Variants in BIRC6 observed in about 807,000 individuals in gnomAD.
BIRC6 encodes the protein dual E2 ubiquitin-conjugating enzyme/E3 ubiquitin-protein ligase BIRC6.
A neutral mutation model predicts 503.3 loss-of-function variants in BIRC6; 98 were observed. The ratio of observed to expected loss-of-function variants is 0.19; its 90% CI spans 0.17 to 0.23. The LOEUF (loss-of-function observed/expected upper bound fraction) is 0.23, where lower values mean the gene tolerates loss of function less well. Ranked by LOEUF, BIRC6 falls within the 10% of genes least tolerant of loss-of-function variation. The pLI, the probability that BIRC6 is intolerant of heterozygous loss-of-function variation, is 1.00. For synonymous variants in BIRC6, 2,240 were observed against 2,078.7 expected, an observed-to-expected ratio of 1.08 and a Z score of -2.11; for missense variants, 5,360 against 5,806.0, an observed-to-expected ratio of 0.92 and a Z score of 2.50.
intron 3 of BIRC6, among the ~76,000 whole-genome samples, chr2:32,384,497 T>A (rs1412449405): frequency 6.6e-6 from 1 of 152,112 alleles, no homozygotes; most frequent in Non-Finnish European, 1.5e-5. Flanking sequence ...CAGAAAACTA[T>A]GGACAGAACA....
intron 19 of BIRC6, 39 bp from the exon 20 acceptor site, chr2:32,443,452 G>T: frequency 7.1e-7 from 1 of 1,410,764 alleles, no homozygotes. Flanking sequence ...TAGACCTTGA[G>T]TAATGTCTTT....
intron 65 of BIRC6, among the ~76,000 whole-genome samples, chr2:32,573,686 T>G (rs533361118): frequency 2.0e-5 from 3 of 152,332 alleles, no homozygotes; most frequent in East Asian, 3.9e-4. Flanking sequence ...ACAAATAATT[T>G]TAATACAAAA....
rs192647888 is a variant in BIRC6 at position 32,374,991 on chromosome 2, A to G, written c.326-2597A>G. 3.3e-4 allele frequency among the ~76,000 whole-genome samples: 51 copies of G among 152,286 alleles called. 1 individual carries two copies. In the East Asian group the frequency reaches 9.1e-3, roughly 27 times the overall value. On this transcript the variant is annotated intron_variant, in intron 1 of 73. Coordinates refer to ENST00000421745, the MANE Select transcript of BIRC6 (RefSeq NM_016252.4). ...TTTACCAGATTGACTTGTTCAGTCC[A>G]TGAACATGGTATTATTTAGGCTTTT...
At chr2:32,372,990 G>C (rs1381642953) in intron 1 of BIRC6, among the ~76,000 whole-genome samples, 1 of 152,146 alleles carries the variant, frequency 6.6e-6, no homozygotes, top group Non-Finnish European at 1.5e-5. Context: ...AGGGCCATTT[G>C]GTAAGTTTGT....
chr2:32,504,352 A>G (rs2053562079), intron 49 of BIRC6, among the ~76,000 whole-genome samples: 1 of 151,930 alleles, frequency 6.6e-6, no homozygotes, highest in Non-Finnish European at 1.5e-5. Context: ...GGTGAAGGAT[A>G]TATTGGACAT....
rs73922759 is a variant in BIRC6, at chr2:32,589,931, T to C, written c.13356-3984T>C. On this transcript the variant is annotated intron_variant, in intron 66 of 73. Coordinates refer to ENST00000421745, the MANE Select transcript of BIRC6 (RefSeq NM_016252.4). Reference sequence around the variant, plus strand: ...TATTCCCTTCTTTCATGCTCACTTATGCTACCAAAATATTTTTCTTTCAAC... The same window carrying C: ...TATTCCCTTCTTTCATGCTCACTTACGCTACCAAAATATTTTTCTTTCAAC... Among the ~76,000 whole-genome samples the C allele has an allele frequency of 6.7e-3, 1,025 of 152,338 alleles. 10 individuals carry two copies. Among genetic ancestry groups the C allele is most frequent in the African/African-American group, 0.023 (972 of 41,566 alleles).
intron 57 of BIRC6, among the ~76,000 whole-genome samples, chr2:32,521,113 C>T (rs927505659): frequency 4.6e-5 from 7 of 151,726 alleles, no homozygotes; most frequent in East Asian, 1.9e-4. Flanking sequence ...ACCTACTTAG[C>T]GATTTTTTTT....
At position 32,433,813 on chromosome 2, in the gene BIRC6, G is replaced by A. The variant is rs755129880; in HGVS notation, c.3409+9G>A. The A allele has an allele frequency of 2.0e-6, 3 of 1,512,132 alleles. No homozygotes were observed. Among genetic ancestry groups the A allele is most frequent in the Non-Finnish European group, 2.7e-6 (3 of 1,113,396 alleles). 93.7% of individuals were successfully genotyped at this position (1,512,132 alleles called of 1,614,324 possible). ...ATTAGGGAAAGTCAATGGTAAGAAT[G>A]TATCAAAATTTATCTTTGAAGATTT... On this transcript the variant is annotated intron_variant, in intron 13 of 73. Coordinates refer to ENST00000421745, the MANE Select transcript of BIRC6 (RefSeq NM_016252.4).
At chr2:32,553,874 C>G (rs924821968) in intron 65 of BIRC6, among the ~76,000 whole-genome samples, 13 of 152,168 alleles carry the variant, frequency 8.5e-5, no homozygotes, top group African/African-American at 3.1e-4. Flanking sequence ...ATAAAGACAT[C>G]TGTTAGTGTT....
chr2:32,466,856 A>G (rs1418096614), intron 26 of BIRC6, among the ~76,000 whole-genome samples: 2 of 152,088 alleles, frequency 1.3e-5, no homozygotes, highest in Non-Finnish European at 2.9e-5. Flanking sequence ...GCGGTGGCTC[A>G]TGCCTGTAAT....
At chr2:32,597,153 TG>T (rs1231106124) in intron 68 of BIRC6, among the ~76,000 whole-genome samples, 1 of 152,252 alleles carries the variant, frequency 6.6e-6, no homozygotes, top group Non-Finnish European at 1.5e-5. Context: ...TTTTACAACT[TG>T]ATACTTACTA....
chr2:32,357,034 C>T lies in BIRC6; in HGVS notation c.-128C>T, dbSNP rs960828815. ...GCCCCGGGCCCCGCCTCCCTCCCTG[C>T]TTCTCCCCCTCTCCCGTCAGCCTCC... On this transcript the variant is annotated 5_prime_UTR_variant, in exon 1 of 74. Coordinates refer to ENST00000421745, the MANE Select transcript of BIRC6 (RefSeq NM_016252.4). This position sits in a 1 kb window ranked among gnomAD's most constrained non-coding sequence, Gnocchi z 4.9. 1.2e-5 allele frequency: 10 copies of T among 849,554 alleles called. No individual in the cohort carries two copies. The highest frequency in any genetic ancestry group is 3.6e-4 in the Middle Eastern group (1 of 2,764). 52.6% of individuals were successfully genotyped at this position (849,554 alleles called of 1,614,324 possible).
intron 66 of BIRC6, among the ~76,000 whole-genome samples, chr2:32,580,369 ATAGAG>A (rs1392862068): frequency 6.6e-6 from 1 of 152,188 alleles, no homozygotes; most frequent in Admixed American, 6.5e-5. Flanking sequence ...TTAACCAAGA[ATAGAG>A]TACAAATGAA....
At position 32,396,540 on chromosome 2, in the gene BIRC6, T is replaced by G. The variant is rs182927846; in HGVS notation, c.1034+947T>G. 3.0e-4 allele frequency among the ~76,000 whole-genome samples: 45 copies of G among 152,298 alleles called. 1 individual carries two copies. Among genetic ancestry groups the G allele is most frequent in the Admixed American group, 2.8e-3 (43 of 15,288 alleles). Reference sequence around the variant, plus strand: ...TTGTATCTATCTGCAGGCAGAGAGTTGAATACAGTAGTCCCCCTTATTTGC... The same window carrying G: ...TTGTATCTATCTGCAGGCAGAGAGTGGAATACAGTAGTCCCCCTTATTTGC... On this transcript the variant is annotated intron_variant, in intron 6 of 73. Transcript: ENST00000421745.
chr2:32,515,650 T>G lies in BIRC6; in HGVS notation c.11229T>G (p.Leu3743=), dbSNP rs765983193. The part of the protein sequence containing the change: ...AQQTSARSAS[L]SSAATTGLTT... ...AGACCAGTGCAAGATCAGCTTCTCT[T>G]TCTTCAGCTGCTACAACAGGACTGA... The change falls in exon 55 of 74, where the codon CTT becomes CTG. Residue 3743 remains leucine, a synonymous_variant. Transcript: ENST00000421745. The G allele has an allele frequency of 2.5e-6, 4 of 1,611,018 alleles. No homozygotes were observed. In the East Asian group the frequency reaches 8.9e-5, roughly 36 times the overall value.
intron 73 of BIRC6, 103 bp from the exon 74 acceptor site, chr2:32,617,622 G>A (rs139273440): frequency 3.8e-5 from 46 of 1,222,346 alleles, no homozygotes; most frequent in Non-Finnish European, 5.0e-5. Flanking sequence ...GTAAATATTT[G>A]TAGGCTTAAT....
chr2:32,439,976 T>A (rs1268569004), intron 16 of BIRC6, among the ~76,000 whole-genome samples: 1 of 152,184 alleles, frequency 6.6e-6, no homozygotes, highest in Non-Finnish European at 1.5e-5. Flanking sequence ...CCTCCCAGAT[T>A]CAAGCCATCC....
chr2:32,422,052 CATT>C (rs2043006412), intron 10 of BIRC6, among the ~76,000 whole-genome samples: 1 of 152,150 alleles, frequency 6.6e-6, no homozygotes, highest in East Asian at 1.9e-4. Flanking sequence ...GTTCTTTTGT[CATT>C]ATGAAATATT....
At chr2:32,429,393 T>A in intron 11 of BIRC6, 98 bp downstream of exon 11, 1 of 950,512 alleles carries the variant, frequency 1.1e-6, no homozygotes, top group Non-Finnish European at 1.5e-6. Flanking sequence ...AAGTAAGAAG[T>A]GATTCTCAAC....
Sources: allele counts gnomAD v4.1 joint callset (sites outside exome capture counted in the v4.1 genomes callset), GRCh38; gene constraint gnomAD v4.1.1; non-coding constraint Gnocchi (gnomAD v3.1); transcripts MANE v1.5; gene names NCBI Gene and HGNC (gene_info 2026-07-23, HGNC 2026-07-21).